BBS10: variants seen among roughly 807,000 people sequenced by gnomAD.
BBS10 encodes Bardet-Biedl syndrome 10.
In BBS10, 13 loss-of-function variants were observed where a neutral mutation model predicts 12.7. That is an observed-to-expected ratio of 1.03 (90% CI 0.67 to 1.63). BBS10 has a LOEUF of 1.63. Among genes scored for constraint, BBS10 ranks in the 40% most tolerant of loss-of-function variants. The pLI is 0.00. For synonymous variants in BBS10, 294 were observed against 304.8 expected (o/e 0.96, Z 0.37); for missense variants, 858 against 858.0 (o/e 1.00, Z 0.00).
At position 76,346,021 on chromosome 12, in the gene BBS10, G is replaced by T; in HGVS notation, c.1964C>A (p.Pro655Gln). ...YKSKTGKYSF[P>Q]HTYIRAVHAL... ...ATGGACAGCTCTTATATATGTATGT[G>T]GAAAGCTGTACTTTCCTGTTTTAGA... The change falls in exon 2 of 2, where the codon CCA becomes CAA. Residue 655 changes from proline to glutamine, a missense_variant. By Grantham distance (76) the Pro-to-Gln change is moderately conservative (BLOSUM62 -1). Coordinates refer to ENST00000650064, the MANE Select transcript of BBS10 (RefSeq NM_024685.4). 1 of 1,613,930 alleles carries T rather than the reference G, an allele frequency of 6.2e-7. No homozygotes were observed. Among genetic ancestry groups the T allele is most frequent in the South Asian group, 1.1e-5 (1 of 91,080 alleles).
rs1951753726 is a variant in BBS10, at chr12:76,345,932, AT to A, written c.2052del (p.Lys684AsnfsTer5). The A allele has an allele frequency of 6.2e-7, 1 of 1,614,024 alleles. No individual in the cohort carries two copies. Among genetic ancestry groups the A allele is most frequent in the Non-Finnish European group, 8.5e-7 (1 of 1,179,908 alleles). On this transcript the variant is annotated frameshift_variant, in exon 2 of 2. Transcript: ENST00000650064. LOFTEE classifies it high-confidence loss of function. ...SQTGLESVMG[K>X]YQLLTSVLQC... Reference sequence around the variant, plus strand: ...TGAAGAACTGAAGTTAGTAGCTGGTATTTACCCATTACTGATTCCAAACCTG... The same window carrying A: ...TGAAGAACTGAAGTTAGTAGCTGGTATTACCCATTACTGATTCCAAACCTG...
chr12:76,347,230 T>C lies in BBS10; in HGVS notation c.755A>G (p.Asp252Gly). The change falls in exon 2 of 2, where the codon GAT becomes GGT. Residue 252 changes from aspartate to glycine, a missense_variant. Transcript: ENST00000650064. Reference protein sequence around the residue: ...QKDFSVYRPADGDMRMVIVTE... With the variant: ...QKDFSVYRPAGGDMRMVIVTE... ...TACTATCACCATTCGCATGTCACCA[T>C]CTGCTGGGCGGTACACAGAAAAATC... is the stretch of plus-strand genomic sequence containing the variant. The C allele has an allele frequency of 6.2e-7, 1 of 1,612,616 alleles. No homozygotes were observed. The highest frequency in any genetic ancestry group is 2.2e-5 in the East Asian group (1 of 44,880).
At chr12:76,348,085 G>A (rs1951776736) in intron 1 of BBS10, 77 bp downstream of exon 1, 5 of 1,472,162 alleles carry the variant, frequency 3.4e-6, no homozygotes, top group Non-Finnish European at 4.6e-6. Context: ...AGTACGCATC[G>A]CCTCAGGATG....
rs786204575 is a variant in BBS10 at position 76,346,744 on chromosome 12, A to G, written c.1241T>C (p.Leu414Ser). ...HGLIEQHEDA[L>S]HGALKMLRQL... ...CCGAAGCATTTTAAGTGCTCCATGTAAAGCATCCTCATGTTGTTCAATGAG... is the reference window on the plus strand; with the variant it reads ...CCGAAGCATTTTAAGTGCTCCATGTGAAGCATCCTCATGTTGTTCAATGAG... Residue 414 changes from leucine (L) to serine (S), a missense_variant, in exon 2 of 2, where the codon TTA becomes TCA. Leu to Ser is a moderately radical substitution (Grantham distance 145, BLOSUM62 -2). Coordinates refer to ENST00000650064, the MANE Select transcript of BBS10 (RefSeq NM_024685.4). 22 of 1,614,052 alleles carry G rather than the reference A, an allele frequency of 1.4e-5. No individual in the cohort carries two copies. Among genetic ancestry groups the G allele is most frequent in the Non-Finnish European group, 1.8e-5 (21 of 1,179,998 alleles).
In BBS10 at chr12:76,345,531, T is replaced by A; in HGVS notation, c.*282A>T. On this transcript the variant is annotated 3_prime_UTR_variant, in exon 2 of 2. Coordinates refer to ENST00000650064, the MANE Select transcript of BBS10 (RefSeq NM_024685.4). ...AAAAAGGAGCTATAAAGAAAAACCCTCCCCTAAACACATAGGCTAACACAG... is the reference window on the plus strand; with the variant it reads ...AAAAAGGAGCTATAAAGAAAAACCCACCCCTAAACACATAGGCTAACACAG... The A allele has an allele frequency of 2.9e-6, 1 of 344,768 alleles. No homozygotes were observed. Among genetic ancestry groups the A allele is most frequent in the Non-Finnish European group, 5.5e-6 (1 of 182,482 alleles). The allele number at this position is 344,768 out of a possible 1,614,324, so 21.4% of individuals were successfully genotyped here.
rs1389715061 is a variant in BBS10 at position 76,347,489 on chromosome 12, A to G, written c.496T>C (p.Cys166Arg). The stretch of plus-strand genomic sequence containing the variant: ...AAGAGCAACTCTAAAGAGCTCCTAC[A>G]CAATGTTCTCTCTTTAGCAGACGAA... ...IFSSAKERTLCRSSLELLLEA... is the reference protein window; with the variant it reads ...IFSSAKERTLRRSSLELLLEA... The change falls in exon 2 of 2, where the codon TGT becomes CGT. Residue 166 changes from cysteine (C) to arginine (R), a missense_variant. Coordinates refer to ENST00000650064, the MANE Select transcript of BBS10 (RefSeq NM_024685.4). 1 of 1,613,820 alleles carries G rather than the reference A, an allele frequency of 6.2e-7. No individual in the cohort carries two copies. Among genetic ancestry groups the G allele is most frequent in the South Asian group, 1.1e-5 (1 of 91,078 alleles).
At position 76,346,446 on chromosome 12, in the gene BBS10, T is replaced by TG. The variant is rs1555202599; in HGVS notation, c.1538dup (p.Thr514AsnfsTer8). 1 of 1,614,206 alleles carries TG rather than the reference T, an allele frequency of 6.2e-7. No individual in the cohort carries two copies. The highest frequency in any genetic ancestry group is 1.1e-5 in the South Asian group (1 of 91,082). The stretch of plus-strand genomic sequence containing the variant: ...TTTCAACTGTTTGGAATGTATCTGT[T>TG]GGTGTCAGTGTGGGGGTTGAATACG... On this transcript the variant is annotated frameshift_variant, in exon 2 of 2. Coordinates refer to ENST00000650064, the MANE Select transcript of BBS10 (RefSeq NM_024685.4). LOFTEE classifies it low-confidence loss of function (END_TRUNC).
At chr12:76,348,125 G>A in intron 1 of BBS10, 37 bp downstream of exon 1, 1 of 1,579,554 alleles carries the variant, frequency 6.3e-7, no homozygotes, top group African/African-American at 1.3e-5. Flanking sequence ...GCTGCCTGGG[G>A]TGCCCGGCTA....
rs1351612366 is a variant in BBS10, at chr12:76,344,817, C to G, written c.*996G>C. The G allele has an allele frequency of 3.9e-5, 6 of 151,978 alleles. No individual in the cohort carries two copies. Among genetic ancestry groups the G allele is most frequent in the Non-Finnish European group, 8.8e-5 (6 of 67,986 alleles). 9.4% of individuals were successfully genotyped at this position (151,978 alleles called of 1,614,324 possible). On this transcript the variant is annotated 3_prime_UTR_variant, in exon 2 of 2. Coordinates refer to ENST00000650064, the MANE Select transcript of BBS10 (RefSeq NM_024685.4). ...AAATACAGCACTGTTTTGGGTATTA[C>G]AGAGAACTGATAAAGGTAGAAAACA...
chr12:76,345,562 A>G lies in BBS10; in HGVS notation c.*251T>C, dbSNP rs1951751454. The G allele has an allele frequency of 4.4e-6, 2 of 458,526 alleles. No homozygotes were observed. Among genetic ancestry groups the G allele is most frequent in the Admixed American group, 6.7e-5 (2 of 29,730 alleles). The allele number at this position is 458,526 out of a possible 1,614,324, so 28.4% of individuals were successfully genotyped here. ...AAACACATAGGCTAACACAGAGCTG[A>G]GACACAGAGGCATAAAATAGGGAAA... On this transcript the variant is annotated 3_prime_UTR_variant, in exon 2 of 2. Coordinates refer to ENST00000650064, the MANE Select transcript of BBS10 (RefSeq NM_024685.4).
At chr12:76,347,837 A>G in intron 1 of BBS10, 50 bp from the exon 2 acceptor site, 1 of 1,552,382 alleles carries the variant, frequency 6.4e-7, no homozygotes, top group Non-Finnish European at 8.8e-7. Flanking sequence ...CTGGCTTCCC[A>G]CATCTTAAAA....
chr12:76,348,091 G>A (rs1951776793), intron 1 of BBS10, 71 bp downstream of exon 1: 2 of 1,513,270 alleles, frequency 1.3e-6, no homozygotes, highest in Non-Finnish European at 8.9e-7. Flanking sequence ...CATCGCCTCA[G>A]GATGGGACAA....
chr12:76,345,953 A>T lies in BBS10; in HGVS notation c.2032T>A (p.Leu678Met). ...TGGTATTTACCCATTACTGATTCCAAACCTGTCTGACTGCTTACCAAGGGT... is the reference window on the plus strand; with the variant it reads ...TGGTATTTACCCATTACTGATTCCATACCTGTCTGACTGCTTACCAAGGGT... ...NQPLVSSQTG[L>M]ESVMGKYQLL... The change falls in exon 2 of 2, where the codon TTG becomes ATG. Residue 678 changes from leucine (L) to methionine (M), a missense_variant. Transcript: ENST00000650064. 1 of 1,614,042 alleles carries T rather than the reference A, an allele frequency of 6.2e-7. No individual in the cohort carries two copies. The highest frequency in any genetic ancestry group is 8.5e-7 in the Non-Finnish European group (1 of 1,179,922).
Position 76,344,518 on chromosome 12 carries a change from G to C in BBS10, c.*1295C>G, listed in dbSNP as rs1951745762. ...ATTCATCCATGAATTCAGCAAAAGA[G>C]CTAATTTATTCTCTCCATATTCACA... On this transcript the variant is annotated 3_prime_UTR_variant, in exon 2 of 2. Transcript: ENST00000650064. 6.6e-6 allele frequency: 1 copy of C among 151,882 alleles called. No homozygotes were observed. The allele number at this position is 151,882 out of a possible 1,614,324, so 9.4% of individuals were successfully genotyped here. A position where few individuals can be genotyped will look rare whatever the true frequency, so the allele number is the denominator to read the frequency against.
chr12:76,348,125 G>C, intron 1 of BBS10, 37 bp downstream of exon 1: 1 of 1,579,554 alleles, frequency 6.3e-7, no homozygotes, highest in East Asian at 2.3e-5. Context: ...GCTGCCTGGG[G>C]TGCCCGGCTA....
In BBS10 at chr12:76,346,766, T is replaced by C. The variant is rs1320060029; in HGVS notation, c.1219A>G (p.Ile407Val). 3.7e-6 allele frequency: 6 copies of C among 1,614,176 alleles called. No homozygotes were observed. Among genetic ancestry groups the C allele is most frequent in the Non-Finnish European group, 5.1e-6 (6 of 1,179,996 alleles). The change falls in exon 2 of 2, where the codon ATT becomes GTT. Residue 407 changes from isoleucine (I) to valine (V), a missense_variant. Ile to Val is a conservative substitution (Grantham distance 29, BLOSUM62 3). Transcript: ENST00000650064. ...TGTAAAGCATCCTCATGTTGTTCAA[T>C]GAGACCATGCACTGGTCCACAAAGA... The part of the protein sequence containing the change: ...IVLCGPVHGL[I>V]EQHEDALHGA...
rs751592378 is a variant in BBS10, at chr12:76,346,770, A to C, written c.1215T>G (p.Gly405=). ...HSIVLCGPVH[G]LIEQHEDALH... ...AAGCATCCTCATGTTGTTCAATGAG[A>C]CCATGCACTGGTCCACAAAGAACTA... Residue 405 remains glycine, a synonymous_variant, in exon 2 of 2, where the codon GGT becomes GGG. Transcript: ENST00000650064. The C allele has an allele frequency of 2.5e-5, 41 of 1,614,076 alleles. No individual in the cohort carries two copies. The highest frequency in any genetic ancestry group is 3.3e-5 in the Non-Finnish European group (39 of 1,180,002).
At position 76,348,260 on chromosome 12, in the gene BBS10, T is replaced by C; in HGVS notation, c.99A>G (p.Gly33=). The C allele has an allele frequency of 6.2e-7, 1 of 1,613,474 alleles. No individual in the cohort carries two copies. Among genetic ancestry groups the C allele is most frequent in the Non-Finnish European group, 8.5e-7 (1 of 1,179,726 alleles). Residue 33 remains glycine, a synonymous_variant, in exon 1 of 2, where the codon GGA becomes GGG. Coordinates refer to ENST00000650064, the MANE Select transcript of BBS10 (RefSeq NM_024685.4). ...AIVSCCVGPE[G]RQVLCTKPTG... ...TGGGCTTCGTACACAAAACTTGCCGTCCCTCGGGCCCCACGCAGCAGCTCA... is the reference window on the plus strand; with the variant it reads ...TGGGCTTCGTACACAAAACTTGCCGCCCCTCGGGCCCCACGCAGCAGCTCA...
In BBS10 at chr12:76,346,868, G is replaced by A. The variant is rs766313616; in HGVS notation, c.1117C>T (p.Pro373Ser). 2.5e-6 allele frequency: 4 copies of A among 1,613,690 alleles called. No homozygotes were observed. The highest frequency in any genetic ancestry group is 2.7e-5 in the African/African-American group (2 of 74,908). ...PNTALVKFCK[P>S]LILRSKRYVH... ...TATCTTTTGGATCTAAGGATAAGAG[G>A]TTTACAAAATTTCACCAAAGCAGTG... is the stretch of plus-strand genomic sequence containing the variant. The change falls in exon 2 of 2, where the codon CCT becomes TCT. Residue 373 changes from proline to serine, a missense_variant. Pro to Ser is a moderately conservative substitution (Grantham distance 74). Transcript: ENST00000650064.
Sources: allele counts gnomAD v4.1 joint callset, GRCh38; gene constraint gnomAD v4.1.1; transcripts MANE v1.5; gene names NCBI Gene and HGNC (gene_info 2026-07-23, HGNC 2026-07-21).